Variants in MAK observed in about 807,000 individuals in gnomAD.
MAK encodes the protein serine/threonine-protein kinase MAK.
MAK carries 65 observed loss-of-function variants against 82.6 expected under a neutral mutation model. The ratio of observed to expected loss-of-function variants is 0.79; its 90% confidence interval spans 0.64 to 0.97. The LOEUF (loss-of-function observed/expected upper bound fraction) is 0.97, where lower values mean the gene tolerates loss of function less well. Among genes scored for constraint, MAK ranks in the 50% least tolerant of loss-of-function variants. The probability of loss-of-function intolerance (pLI) is 0.00; values close to 1 mark genes in which losing one functional copy is unlikely to be tolerated. For synonymous variants in MAK, 250 were observed against 274.2 expected, an observed-to-expected ratio of 0.91 and a Z score of 0.87; for missense variants, 703 against 780.2, an observed-to-expected ratio of 0.90 and a Z score of 1.18.
chr6:10,807,390 T>A (rs2127562871), intron 6 of MAK, among the ~76,000 whole-genome samples: 1 of 138,886 alleles, frequency 7.2e-6, no homozygotes, highest in Middle Eastern at 3.8e-3. Flanking sequence ...TTGCCCAGGC[T>A]GGAGTTCAGT....
At chr6:10,832,762 G>A (rs1312889953) in intron 1 of MAK, among the ~76,000 whole-genome samples, 2 of 152,184 alleles carry the variant, frequency 1.3e-5, no homozygotes, top group Non-Finnish European at 2.9e-5. Context: ...ACCTCCCGAT[G>A]TGTTGGGATT....
At chr6:10,821,039 C>T (rs1777902961) in intron 2 of MAK, among the ~76,000 whole-genome samples, 1 of 152,092 alleles carries the variant, frequency 6.6e-6, no homozygotes, top group Non-Finnish European at 1.5e-5. Flanking sequence ...GCCTTGACCT[C>T]CTGGGCTCAG....
intron 14 of MAK, among the ~76,000 whole-genome samples, chr6:10,769,215 A>G (rs4712937): frequency 0.68 from 103,375 of 152,104 alleles, 37,045 homozygotes; most frequent in East Asian, 0.87. Flanking sequence ...CTTTTTCTCT[A>G]TAAAAAAGAA....
intron 11 of MAK, among the ~76,000 whole-genome samples, chr6:10,783,201 A>T (rs1774165216): frequency 6.6e-6 from 1 of 151,846 alleles, no homozygotes. Flanking sequence ...ATACAGGACG[A>T]TTTAAAAATG....
chr6:10,777,719 ACCT>A lies in MAK; in HGVS notation c.1466-2263_1466-2261del, dbSNP rs567064876. 8.9e-3 allele frequency among the ~76,000 whole-genome samples: 1,358 copies of A among 152,006 alleles called. 12 individuals are homozygous for A. The highest frequency in any genetic ancestry group is 0.016 in the Non-Finnish European group (1,054 of 67,960). Reference sequence around the variant, plus strand: ...AATGGCGTGATCTCAGCTCACCAAAACCTCCACCTCCCAGGTTCAAGTGATTCT... The same window carrying A: ...AATGGCGTGATCTCAGCTCACCAAAACCACCTCCCAGGTTCAAGTGATTCT... On this transcript the variant is annotated intron_variant, in intron 11 of 14. Coordinates refer to ENST00000354489, the MANE Select transcript of MAK (RefSeq NM_001242957.3).
At chr6:10,798,371 T>TCCGCCCACCTTGGCCTCC (rs1775741545) in intron 8 of MAK, among the ~76,000 whole-genome samples, 1 of 151,842 alleles carries the variant, frequency 6.6e-6, no homozygotes, top group Non-Finnish European at 1.5e-5. Context: ...CCTTGGCCTC[T>TCCGCCCACCTTGGCCTCC]CAAAGTGCTA....
chr6:10,793,328 C>T lies in MAK; in HGVS notation c.1144-1481G>A, dbSNP rs910529209. Among the ~76,000 whole-genome samples, 6 of 152,148 alleles carry T rather than the reference C, an allele frequency of 3.9e-5. No homozygotes were observed. Among genetic ancestry groups the T allele is most frequent in the African/African-American group, 7.2e-5 (3 of 41,432 alleles). ...CCAACAGTACTGACAAATGGATCAA[C>T]GTCAATCTAGAGAAAGGTTCTAGTA... On this transcript the variant is annotated intron_variant, in intron 9 of 14. Transcript: ENST00000354489. The surrounding 1 kb of genome is among the most constrained non-coding windows in gnomAD (Gnocchi z 4.6).
intron 10 of MAK, among the ~76,000 whole-genome samples, chr6:10,790,822 T>G (rs1416971018): frequency 2.0e-5 from 3 of 151,958 alleles, no homozygotes; most frequent in Non-Finnish European, 4.4e-5. Flanking sequence ...TGGCGGGAGG[T>G]GTTTGGACCA....
At chr6:10,798,511 T>A (rs1775752014) in intron 8 of MAK, among the ~76,000 whole-genome samples, 1 of 152,138 alleles carries the variant, frequency 6.6e-6, no homozygotes, top group Non-Finnish European at 1.5e-5. Context: ...CCTATTTACT[T>A]AAGGGAAGCA....
intron 6 of MAK, among the ~76,000 whole-genome samples, chr6:10,805,588 GAA>G (rs2127560735): frequency 6.7e-6 from 1 of 148,530 alleles, no homozygotes; most frequent in South Asian, 2.1e-4. Flanking sequence ...AAAAAAAAAA[GAA>G]GTTTGGTGAT....
intron 2 of MAK, chr6:10,827,822 T>C (rs1051169380): frequency 1.3e-5 from 2 of 152,166 alleles, no homozygotes; most frequent in African/African-American, 4.8e-5. Flanking sequence ...GCTGGGACTA[T>C]AGGTGAGCAC....
At position 10,798,169 on chromosome 6, in the gene MAK, G is replaced by A. The variant is rs1031661594; in HGVS notation, c.832-1860C>T. On this transcript the variant is annotated intron_variant, in intron 8 of 14. Coordinates refer to ENST00000354489, the MANE Select transcript of MAK (RefSeq NM_001242957.3). ...GTCTCGCTCTGTCACCCAGACTGGA[G>A]TGCAGTGGCACGATCTTGGCTCACT... Among the ~76,000 whole-genome samples the A allele has an allele frequency of 2.1e-5, 3 of 140,458 alleles. No individual in the cohort carries two copies. In the East Asian group the frequency reaches 6.5e-4, roughly 30 times the overall value. 92.1% of individuals were successfully genotyped at this position (140,458 alleles called of 152,430 possible).
Position 10,799,113 on chromosome 6 carries a change from C to A in MAK, c.831+2779G>T, listed in dbSNP as rs557667258. ...GTGCTGGGATTACAGGTGTGCGGCA[C>A]TGCAGAGCCACCGCACATGGTTGGA... is the stretch of plus-strand genomic sequence containing the variant. On this transcript the variant is annotated intron_variant, in intron 8 of 14. Coordinates refer to ENST00000354489, the MANE Select transcript of MAK (RefSeq NM_001242957.3). 3.3e-3 allele frequency among the ~76,000 whole-genome samples: 497 copies of A among 152,250 alleles called. 5 individuals are homozygous for A. The highest frequency in any genetic ancestry group is 0.014 in the South Asian group (68 of 4,818).
At position 10,813,136 on chromosome 6, in the gene MAK, A is replaced by ATTTTTTT. The variant is rs869114611; in HGVS notation, c.358+501_358+507dup. On this transcript the variant is annotated intron_variant, in intron 5 of 14. Coordinates refer to ENST00000354489, the MANE Select transcript of MAK (RefSeq NM_001242957.3). ...TATATATATATATATATATATATAAATTTTTTTTTTTTTTTTTTTTTTTTT... is the reference window on the plus strand; with the variant it reads ...TATATATATATATATATATATATAAATTTTTTTTTTTTTTTTTTTTTTTTTTTTTTTT... 8.2e-3 allele frequency among the ~76,000 whole-genome samples: 6 copies of ATTTTTTT among 728 alleles called. 1 individual carries two copies. Among genetic ancestry groups the ATTTTTTT allele is most frequent in the Non-Finnish European group, 8.1e-3 (3 of 370 alleles). 0.5% of individuals were successfully genotyped at this position (728 alleles called of 152,430 possible).
Position 10,830,877 on chromosome 6 carries a change from C to A in MAK, c.-229G>T, listed in dbSNP as rs1778766182. 2 of 517,190 alleles carry A rather than the reference C, an allele frequency of 3.9e-6. No individual in the cohort carries two copies. The highest frequency in any genetic ancestry group is 3.2e-5 in the Admixed American group (1 of 31,722). 32.0% of individuals were successfully genotyped at this position (517,190 alleles called of 1,614,324 possible). On this transcript the variant is annotated splice_region_variant and 5_prime_UTR_variant, in exon 2 of 15. Coordinates refer to ENST00000354489, the MANE Select transcript of MAK (RefSeq NM_001242957.3). Reference sequence around the variant, plus strand: ...ACAACACTTCCATTCTTATAAACACCCTAAAGAAAGAAAACAAGGATATCA... The same window carrying A: ...ACAACACTTCCATTCTTATAAACACACTAAAGAAAGAAAACAAGGATATCA...
In MAK at chr6:10,796,022, C is replaced by T. The variant is rs1011259942; in HGVS notation, c.1119G>A (p.Pro373=). 1.4e-5 allele frequency: 22 copies of T among 1,613,710 alleles called. No individual in the cohort carries two copies. Among genetic ancestry groups the T allele is most frequent in the East Asian group, 8.9e-5 (4 of 44,886 alleles). The change falls in exon 9 of 15, where the codon CCG becomes CCA. Residue 373 remains proline (P), a synonymous_variant. Transcript: ENST00000354489. ...CAGTTGGCATGTTTTTGACGATGCT[C>T]GGGAATAGCGTTTGTGGCGGTTTCT... The part of the protein sequence containing the change: ...SQEKPPQTLF[P]SIVKNMPTKP...
At chr6:10,797,818 A>G in intron 8 of MAK, 1 of 1,279,986 alleles carries the variant, frequency 7.8e-7, no homozygotes, top group Non-Finnish European at 1.0e-6. Context: ...CATATTCTAC[A>G]ACTTAACCAA....
intron 2 of MAK, among the ~76,000 whole-genome samples, chr6:10,821,049 G>A (rs560675673): frequency 6.6e-6 from 1 of 151,982 alleles, no homozygotes; most frequent in Non-Finnish European, 1.5e-5. Flanking sequence ...CCTGGGCTCA[G>A]GTGATCCTCC....
At chr6:10,802,119 C>T in intron 7 of MAK, 60 bp from the exon 8 acceptor site, 5 of 1,386,282 alleles carry the variant, frequency 3.6e-6, no homozygotes, top group Non-Finnish European at 5.1e-6. Context: ...TTTAGTAATC[C>T]ATTTAAAAAA....
Sources: allele counts gnomAD v4.1 joint callset (sites outside exome capture counted in the v4.1 genomes callset), GRCh38; gene constraint gnomAD v4.1.1; non-coding constraint Gnocchi (gnomAD v3.1); transcripts MANE v1.5; gene names NCBI Gene and HGNC (gene_info 2026-07-23, HGNC 2026-07-21).